KIN: variants seen among roughly 807,000 people sequenced by gnomAD.
KIN encodes Kin17 DNA and RNA binding protein, also known as DNA/RNA-binding protein KIN17.
KIN carries 47 observed loss-of-function variants against 63.0 expected under a neutral mutation model. The ratio of observed to expected loss-of-function variants is 0.75; its 90% CI spans 0.59 to 0.95. The LOEUF (loss-of-function observed/expected upper bound fraction) is 0.95. Ranked by LOEUF, KIN falls within the 40% of genes least tolerant of loss-of-function variation. The pLI is 0.00. For missense variants in KIN, 408 were observed against 460.9 expected (o/e 0.89, Z 1.05); for synonymous variants, 160 against 157.7 (o/e 1.01, Z -0.11).
At chr10:7,756,346 T>C (rs2130980571) in intron 12 of KIN, among the ~76,000 whole-genome samples, 1 of 152,310 alleles carries the variant, frequency 6.6e-6, no homozygotes, top group East Asian at 1.9e-4. Flanking sequence ...TTCTGTGACA[T>C]CTGACATACG....
intron 1 of KIN, among the ~76,000 whole-genome samples, chr10:7,785,978 C>T (rs762455364): frequency 9.2e-5 from 14 of 152,158 alleles, no homozygotes; most frequent in Non-Finnish European, 1.5e-4. Flanking sequence ...ATGGTGAATA[C>T]GTATCATTAT....
At chr10:7,772,117 G>A (rs1028770687) in intron 7 of KIN, among the ~76,000 whole-genome samples, 1 of 152,070 alleles carries the variant, frequency 6.6e-6, no homozygotes, top group Non-Finnish European at 1.5e-5. Flanking sequence ...ACAGCTGAGA[G>A]CAAACGGCAG....
At chr10:7,771,659 G>A (rs931304003) in intron 7 of KIN, among the ~76,000 whole-genome samples, 7 of 152,148 alleles carry the variant, frequency 4.6e-5, no homozygotes, top group Non-Finnish European at 7.3e-5. Flanking sequence ...TTGGGAGGCT[G>A]AGACAGGTGG....
intron 1 of KIN, among the ~76,000 whole-genome samples, 166 bp downstream of exon 1, chr10:7,787,654 C>G (rs900649177): frequency 1.3e-5 from 2 of 152,190 alleles, no homozygotes; most frequent in Non-Finnish European, 2.9e-5. Flanking sequence ...CGGGGAGGGA[C>G]GGCTCTCGTG....
At chr10:7,782,401 ATTT>A (rs374027414) in intron 2 of KIN, among the ~76,000 whole-genome samples, 1 of 141,806 alleles carries the variant, frequency 7.1e-6, no homozygotes. Flanking sequence ...TTTTAGTGCC[ATTT>A]TTTTTTTTTT....
At chr10:7,773,819 C>G (rs1388932899) in intron 7 of KIN, among the ~76,000 whole-genome samples, 1 of 152,228 alleles carries the variant, frequency 6.6e-6, no homozygotes, top group Non-Finnish European at 1.5e-5. Context: ...TGGTACTTGA[C>G]TCTCTTGTCT....
At position 7,753,000 on chromosome 10, in the gene KIN, T is replaced by C. The variant is rs1265156916; in HGVS notation, c.*3080A>G. 1 of 152,200 alleles carries C rather than the reference T, an allele frequency of 6.6e-6. No homozygotes were observed. The highest frequency in any genetic ancestry group is 2.1e-4 in the South Asian group (1 of 4,834). The allele number at this position is 152,200 out of a possible 1,614,324, so 9.4% of individuals were successfully genotyped here. ...GTGTGATACTACAGTGGCAGATGCA[T>C]GTCATTATACATTTGTCAAAACCCA... On this transcript the variant is annotated 3_prime_UTR_variant, in exon 13 of 13. Coordinates refer to ENST00000379562, the MANE Select transcript of KIN (RefSeq NM_012311.4).
intron 1 of KIN, among the ~76,000 whole-genome samples, chr10:7,787,228 C>T (rs994963024): frequency 2.0e-5 from 3 of 152,212 alleles, no homozygotes; most frequent in South Asian, 2.1e-4. Context: ...AAGTAAATAA[C>T]TTGCCCAAGA....
At chr10:7,779,122 A>C in intron 4 of KIN, 103 bp from the exon 5 acceptor site, 3 of 1,340,466 alleles carry the variant, frequency 2.2e-6, no homozygotes, top group Non-Finnish European at 3.1e-6. Flanking sequence ...ACACACACAA[A>C]TCAGGCCGAG....
chr10:7,778,768 A>G, intron 5 of KIN, 70 bp downstream of exon 5: 1 of 1,279,086 alleles, frequency 7.8e-7, no homozygotes, highest in East Asian at 2.5e-5. Flanking sequence ...AAAACAAAAA[A>G]GAAAAACCAA....
chr10:7,782,886 A>G (rs1835925552), intron 2 of KIN, among the ~76,000 whole-genome samples, 195 bp downstream of exon 2: 2 of 152,224 alleles, frequency 1.3e-5, no homozygotes, highest in Admixed American at 6.5e-5. Context: ...GAAAGGAAAA[A>G]CTAAGTTGTG....
intron 1 of KIN, among the ~76,000 whole-genome samples, chr10:7,785,675 C>A (rs1835986806): frequency 1.3e-5 from 2 of 151,828 alleles, no homozygotes; most frequent in South Asian, 4.2e-4. Flanking sequence ...CACCTGTAAT[C>A]CCAGCCTGTA....
At chr10:7,765,868 TC>T (rs1835532919) in intron 9 of KIN, among the ~76,000 whole-genome samples, 184 bp downstream of exon 9, 1 of 152,180 alleles carries the variant, frequency 6.6e-6, no homozygotes, top group Admixed American at 6.5e-5. Context: ...ATGAAGTAAC[TC>T]TCCAATAGAG....
At position 7,755,336 on chromosome 10, in the gene KIN, A is replaced by G. The variant is rs928785291; in HGVS notation, c.*744T>C. 6.6e-6 allele frequency: 1 copy of G among 152,246 alleles called. No individual in the cohort carries two copies. Among genetic ancestry groups the G allele is most frequent in the Non-Finnish European group, 1.5e-5 (1 of 68,050 alleles). 9.4% of individuals were successfully genotyped at this position (152,246 alleles called of 1,614,324 possible). On this transcript the variant is annotated 3_prime_UTR_variant, in exon 13 of 13. Coordinates refer to ENST00000379562, the MANE Select transcript of KIN (RefSeq NM_012311.4). ...ATAAAAACAAATGAAGCACGCCTACATGCTACTGCATGGATAAACCTTGAA... is the reference window on the plus strand; with the variant it reads ...ATAAAAACAAATGAAGCACGCCTACGTGCTACTGCATGGATAAACCTTGAA...
At position 7,753,535 on chromosome 10, in the gene KIN, C is replaced by T. The variant is rs1323634290; in HGVS notation, c.*2545G>A. 1 of 152,378 alleles carries T rather than the reference C, an allele frequency of 6.6e-6. No individual in the cohort carries two copies. The highest frequency in any genetic ancestry group is 1.5e-5 in the Non-Finnish European group (1 of 68,194). The allele number at this position is 152,378 out of a possible 1,614,324, so 9.4% of individuals were successfully genotyped here. On this transcript the variant is annotated 3_prime_UTR_variant, in exon 13 of 13. Transcript: ENST00000379562. ...ACCACTCACTGCCATTTATTCAATACCTACTATGTGCTGGACTTCATGTCT... is the reference window on the plus strand; with the variant it reads ...ACCACTCACTGCCATTTATTCAATATCTACTATGTGCTGGACTTCATGTCT...
chr10:7,761,559 A>C (rs1459766420), intron 11 of KIN: 1 of 152,234 alleles, frequency 6.6e-6, no homozygotes, highest in Non-Finnish European at 1.5e-5. Flanking sequence ...AAAGCTCCAA[A>C]ATGTAAAATC....
chr10:7,759,636 A>C (rs954713744), intron 12 of KIN, among the ~76,000 whole-genome samples: 2 of 151,974 alleles, frequency 1.3e-5, no homozygotes, highest in Non-Finnish European at 2.9e-5. Flanking sequence ...GACTATGATT[A>C]ATTTTTATAA....
chr10:7,759,796 T>C (rs1835402820), intron 12 of KIN, 94 bp downstream of exon 12: 2 of 679,558 alleles, frequency 2.9e-6, no homozygotes, highest in South Asian at 1.8e-5. Flanking sequence ...AACAAAAAAC[T>C]CAAATTCTAA....
chr10:7,783,724 C>T (rs1404205024), intron 1 of KIN, among the ~76,000 whole-genome samples: 1 of 152,098 alleles, frequency 6.6e-6, no homozygotes, highest in Non-Finnish European at 1.5e-5. Context: ...TATACCTCTC[C>T]TTAATATTTG....
Sources: allele counts gnomAD v4.1 joint callset (sites outside exome capture counted in the v4.1 genomes callset), GRCh38; gene constraint gnomAD v4.1.1; transcripts MANE v1.5; gene names NCBI Gene and HGNC (gene_info 2026-07-23, HGNC 2026-07-21).